Variants in COMMD10 observed in about 807,000 individuals in gnomAD.
COMMD10 encodes COMM domain containing 10.
A neutral mutation model predicts 28.9 loss-of-function variants in COMMD10; 33 were observed. The observed-to-expected ratio is 1.14, with a 90% CI of 0.87 to 1.53. The LOEUF is 1.53. COMMD10 is among the 40% of genes most tolerant of loss of function. COMMD10 has a pLI of 0.00. For missense variants in COMMD10, 310 were observed against 233.4 expected (o/e 1.33, Z -2.14); for synonymous variants, 110 against 81.7 (o/e 1.35, Z -1.87).
intron 5 of COMMD10, among the ~76,000 whole-genome samples, chr5:116,211,540 G>T (rs1045789944): frequency 3.3e-5 from 5 of 152,058 alleles, no homozygotes; most frequent in Non-Finnish European, 7.4e-5. Flanking sequence ...TGTATGTGCA[G>T]TTCATCATTG....
At chr5:116,120,789 G>A (rs1365912772) in intron 4 of COMMD10, among the ~76,000 whole-genome samples, 4 of 150,956 alleles carry the variant, frequency 2.6e-5, no homozygotes, top group Non-Finnish European at 4.4e-5. Context: ...CTACCATTTG[G>A]ATATACCTCA....
intron 5 of COMMD10, among the ~76,000 whole-genome samples, chr5:116,200,307 T>C (rs1748632813): frequency 6.6e-6 from 1 of 152,100 alleles, no homozygotes; most frequent in African/African-American, 2.4e-5. Flanking sequence ...TCTTTGCTCC[T>C]CTGTAAGTAA....
chr5:116,249,419 T>C (rs1227796560), intron 5 of COMMD10, among the ~76,000 whole-genome samples: 5 of 151,934 alleles, frequency 3.3e-5, no homozygotes, highest in Admixed American at 3.3e-4. Context: ...TTAATCATAT[T>C]GGTTGCATCA....
At chr5:116,187,479 G>A (rs1748177984) in intron 5 of COMMD10, among the ~76,000 whole-genome samples, 1 of 151,946 alleles carries the variant, frequency 6.6e-6, no homozygotes, top group Admixed American at 6.6e-5. Context: ...ATATTTTAGT[G>A]TAAAGATATT....
chr5:116,257,315 G>A (rs1408289806), intron 5 of COMMD10, among the ~76,000 whole-genome samples: 1 of 151,484 alleles, frequency 6.6e-6, no homozygotes, highest in East Asian at 1.9e-4. Context: ...CTTTACAAAG[G>A]GCCTTTATAG....
chr5:116,107,367 T>C (rs1281829895), intron 4 of COMMD10, among the ~76,000 whole-genome samples: 1 of 152,196 alleles, frequency 6.6e-6, no homozygotes, highest in Non-Finnish European at 1.5e-5. Flanking sequence ...TTGGAGGCTT[T>C]GTTCATTTCT....
intron 5 of COMMD10, among the ~76,000 whole-genome samples, chr5:116,136,366 A>G (rs1344430335): frequency 6.6e-6 from 1 of 152,190 alleles, no homozygotes; most frequent in Non-Finnish European, 1.5e-5. Context: ...ACATACATGC[A>G]CATTCCAAGT....
In COMMD10 at chr5:116,291,581, G is replaced by GT; in HGVS notation, c.570+6dup. 1.3e-6 allele frequency: 2 copies of GT among 1,508,048 alleles called. No individual in the cohort carries two copies. Among genetic ancestry groups the GT allele is most frequent in the South Asian group, 2.5e-5 (2 of 80,132 alleles). The allele number at this position is 1,508,048 out of a possible 1,614,324, so 93.4% of individuals were successfully genotyped here. A position where few individuals can be genotyped will look rare whatever the true frequency, so the allele number is the denominator to read the frequency against. On this transcript the variant is annotated splice_donor_region_variant and intron_variant, in intron 6 of 6. Coordinates refer to ENST00000274458, the MANE Select transcript of COMMD10 (RefSeq NM_016144.4). ...TTGTTTGATTTCTATAACAAGGTCT[G>GT]TATTTTTAAAATAATTTTCTAATAT...
Position 116,292,466 on chromosome 5 carries a change from G to T in COMMD10, c.586G>T (p.Ala196Ser). ...TTGTAAATAGCTAGAGACTATACAA[G>T]CACAGCTGGATTCCCTTACATGATG... is the stretch of plus-strand genomic sequence containing the variant. ...DFYNKLETIQ[A>S]QLDSLT The change falls in exon 7 of 7, where the codon GCA becomes TCA. Residue 196 changes from alanine to serine, a missense_variant. Coordinates refer to ENST00000274458, the MANE Select transcript of COMMD10 (RefSeq NM_016144.4). The T allele has an allele frequency of 6.4e-7, 1 of 1,559,848 alleles. No individual in the cohort carries two copies.
intron 4 of COMMD10, among the ~76,000 whole-genome samples, chr5:116,123,885 A>G (rs1751525621): frequency 6.6e-6 from 1 of 151,620 alleles, no homozygotes. Context: ...CTCTGATGGT[A>G]GTTTGCATTT....
At chr5:116,230,864 G>A (rs1749512716) in intron 5 of COMMD10, among the ~76,000 whole-genome samples, 1 of 150,712 alleles carries the variant, frequency 6.6e-6, no homozygotes, top group African/African-American at 2.4e-5. Context: ...GTGTGTGTGT[G>A]TAGACATCTT....
intron 4 of COMMD10, among the ~76,000 whole-genome samples, chr5:116,114,435 C>G (rs1015702661): frequency 6.6e-6 from 1 of 152,044 alleles, no homozygotes; most frequent in Non-Finnish European, 1.5e-5. Flanking sequence ...GACCTCCAGG[C>G]TGGGTGGCAC....
chr5:116,251,225 C>T (rs1750105398), intron 5 of COMMD10, among the ~76,000 whole-genome samples: 1 of 151,712 alleles, frequency 6.6e-6, no homozygotes. Flanking sequence ...ATTTGTTCCC[C>T]ATTACACAGA....
intron 4 of COMMD10, among the ~76,000 whole-genome samples, chr5:116,094,377 G>C (rs540567060): frequency 2.9e-4 from 44 of 152,156 alleles, no homozygotes; most frequent in African/African-American, 1.1e-3. Context: ...AATGCTTCTT[G>C]AAAGACGATA....
At chr5:116,204,967 T>G (rs138978216) in intron 5 of COMMD10, among the ~76,000 whole-genome samples, 392 of 152,168 alleles carry the variant, frequency 2.6e-3, no homozygotes, top group Non-Finnish European at 4.4e-3. Context: ...TTCTGTTTGT[T>G]TTTTGAATTT....
At chr5:116,256,660 A>T (rs1026737035) in intron 5 of COMMD10, among the ~76,000 whole-genome samples, 1 of 151,826 alleles carries the variant, frequency 6.6e-6, no homozygotes, top group Non-Finnish European at 1.5e-5. Flanking sequence ...TAATGTTTTC[A>T]TACACGTAAT....
intron 5 of COMMD10, among the ~76,000 whole-genome samples, chr5:116,212,754 G>T (rs1749001632): frequency 6.6e-6 from 1 of 151,946 alleles, no homozygotes; most frequent in Admixed American, 6.6e-5. Context: ...CTTAATAGTG[G>T]TATATAACTT....
intron 5 of COMMD10, among the ~76,000 whole-genome samples, chr5:116,151,976 T>C (rs1286989311): frequency 6.6e-6 from 1 of 152,216 alleles, no homozygotes; most frequent in Admixed American, 6.5e-5. Flanking sequence ...TCTTTCCTGC[T>C]TTCTCTTGTG....
chr5:116,191,446 T>C (rs1044573125), intron 5 of COMMD10, among the ~76,000 whole-genome samples: 2 of 151,436 alleles, frequency 1.3e-5, no homozygotes, highest in Non-Finnish European at 3.0e-5. Flanking sequence ...CTTGGGGCTC[T>C]TGTGGGGCTC....
Sources: allele counts gnomAD v4.1 joint callset (sites outside exome capture counted in the v4.1 genomes callset), GRCh38; gene constraint gnomAD v4.1.1; transcripts MANE v1.5; gene names NCBI Gene and HGNC (gene_info 2026-07-23, HGNC 2026-07-21).